Variants in ZNF469 observed in about 807,000 individuals in gnomAD.
The protein encoded by ZNF469 is zinc finger protein 469.
ZNF469 carries 1 observed loss-of-function variant against 1.0 expected under a neutral mutation model. The ratio of observed to expected loss-of-function variants is 1.00; its 90% CI spans 0.35 to 4.73. The LOEUF (loss-of-function observed/expected upper bound fraction) is 4.73, where lower values mean the gene tolerates loss of function less well. ZNF469 is among the 30% of genes most tolerant of loss of function. ZNF469 has a pLI of 0.16. For missense variants in ZNF469, 6,100 were observed against 5,356.3 expected (o/e 1.14, Z -4.33); for synonymous variants, 2,703 against 2,363.4 (o/e 1.14, Z -4.17).
chr16:88,438,412 A>G lies in ZNF469; in HGVS notation c.10942A>G (p.Lys3648Glu). 1 of 1,549,962 alleles carries G rather than the reference A, an allele frequency of 6.5e-7. No homozygotes were observed. Among genetic ancestry groups the G allele is most frequent in the Non-Finnish European group, 8.7e-7 (1 of 1,146,840 alleles). Residue 3648 changes from lysine to glutamate, a missense_variant, in exon 3 of 3, where the codon AAG becomes GAG. Transcript: ENST00000565624. ...GGAAGACCACCTACTTCAGAAAGAG[A>G]AGGAGGTGTCCTCAAGCCACATGGT... is the stretch of plus-strand genomic sequence containing the variant. ...FQEDHLLQKEKEVSSSHMVSE... is the reference protein window; with the variant it reads ...FQEDHLLQKEEEVSSSHMVSE...
chr16:88,402,088 TG>T (rs1904898458), intron 1 of ZNF469, among the ~76,000 whole-genome samples: 1 of 150,840 alleles, frequency 6.6e-6, no homozygotes. Context: ...GGTAGATGGA[TG>T]GGTGGGTGGA....
the ZNF469 span, among the ~76,000 whole-genome samples, chr16:88,219,053 A>G: frequency 6.7e-6 from 1 of 149,434 alleles, no homozygotes; most frequent in Non-Finnish European, 1.5e-5. Flanking sequence ...TAGGAATCCA[A>G]CTGACAAGGG....
the ZNF469 span, among the ~76,000 whole-genome samples, chr16:88,233,551 C>T: frequency 5.3e-5 from 8 of 152,200 alleles, no homozygotes; most frequent in Admixed American, 2.0e-4. Flanking sequence ...GGAGGGAAGG[C>T]GCCCAAATGT....
chr16:88,203,154 G>A, the ZNF469 span, among the ~76,000 whole-genome samples: 9 of 152,164 alleles, frequency 5.9e-5, no homozygotes, highest in African/African-American at 1.7e-4. Context: ...CAGAGGTGGT[G>A]AAGGGCGAGT....
chr16:88,153,034 A>T, the ZNF469 span, among the ~76,000 whole-genome samples: 2 of 151,956 alleles, frequency 1.3e-5, no homozygotes. Flanking sequence ...TCTGCACTGT[A>T]TGGGGGGTGG....
the ZNF469 span, among the ~76,000 whole-genome samples, chr16:88,214,828 T>C: frequency 6.6e-6 from 1 of 152,230 alleles, no homozygotes; most frequent in African/African-American, 2.4e-5. Context: ...GCAAAGGACA[T>C]GAACTCATCC....
chr16:88,256,714 A>C, the ZNF469 span, among the ~76,000 whole-genome samples: 1 of 152,016 alleles, frequency 6.6e-6, no homozygotes, highest in African/African-American at 2.4e-5. Flanking sequence ...CTCGCCCAGC[A>C]TTTGGTGTTG....
At chr16:88,229,669 G>A in the ZNF469 span, among the ~76,000 whole-genome samples, 51 of 67,858 alleles carry the variant, frequency 7.5e-4, no homozygotes, top group East Asian at 1.6e-3. Flanking sequence ...TGTGGATGTC[G>A]CGTGTGTGCT....
At chr16:88,203,267 C>A in the ZNF469 span, among the ~76,000 whole-genome samples, 2 of 152,132 alleles carry the variant, frequency 1.3e-5, no homozygotes, top group Non-Finnish European at 2.9e-5. Context: ...ATGGCCAAGA[C>A]CCGCGTCTAG....
chr16:88,133,171 C>G, the ZNF469 span, among the ~76,000 whole-genome samples: 1 of 152,250 alleles, frequency 6.6e-6, no homozygotes, highest in South Asian at 2.1e-4. Flanking sequence ...GCACCTCACT[C>G]GGGAAGGCGG....
At chr16:88,330,780 T>C in the ZNF469 span, among the ~76,000 whole-genome samples, 52 of 152,326 alleles carry the variant, frequency 3.4e-4, no homozygotes, top group African/African-American at 1.2e-3. Flanking sequence ...CACTGCCGCA[T>C]GCTACCTGTT....
intron 1 of ZNF469, among the ~76,000 whole-genome samples, chr16:88,408,278 G>A (rs371365393): frequency 1.4e-4 from 22 of 152,172 alleles, no homozygotes; most frequent in South Asian, 2.1e-4. Flanking sequence ...TCAGCCTCCC[G>A]GTAACGGGGA....
At chr16:88,293,668 G>T in the ZNF469 span, among the ~76,000 whole-genome samples, 4 of 152,182 alleles carry the variant, frequency 2.6e-5, no homozygotes, top group East Asian at 7.7e-4. Flanking sequence ...GCTTCATTGG[G>T]GGGTGTATTT....
At chr16:88,125,772 G>A in the ZNF469 span, among the ~76,000 whole-genome samples, 104 of 152,016 alleles carry the variant, frequency 6.8e-4, no homozygotes, top group Non-Finnish European at 1.2e-3. Flanking sequence ...TTATTTTTTT[G>A]CAAATGGTAT....
the ZNF469 span, among the ~76,000 whole-genome samples, chr16:88,128,032 G>T: frequency 6.6e-6 from 1 of 152,218 alleles, no homozygotes; most frequent in Middle Eastern, 3.2e-3. Context: ...CACAGGAGGG[G>T]CTGTGCCCGT....
chr16:88,318,962 GC>G, the ZNF469 span, among the ~76,000 whole-genome samples: 1 of 152,206 alleles, frequency 6.6e-6, no homozygotes, highest in Non-Finnish European at 1.5e-5. Flanking sequence ...TTGTTTGGGA[GC>G]CCAAAAGTCT....
chr16:88,436,998 G>A lies in ZNF469; in HGVS notation c.9528G>A (p.Ala3176=), dbSNP rs1490410434. The stretch of plus-strand genomic sequence containing the variant: ...CGCAGAGCAAGGCCGGGCCCTGGGC[G>A]TGCGGCATGTGCCTGAAGGAGGTGG... The part of the protein sequence containing the change: ...RHAQSKAGPW[A]CGMCLKEVAD... Residue 3176 remains alanine, a synonymous_variant, in exon 3 of 3, where the codon GCG becomes GCA. Transcript: ENST00000565624. 3.3e-6 allele frequency: 5 copies of A among 1,520,272 alleles called. No individual in the cohort carries two copies. The highest frequency in any genetic ancestry group is 1.7e-4 in the Middle Eastern group (1 of 5,718). The allele number at this position is 1,520,272 out of a possible 1,614,324, so 94.2% of individuals were successfully genotyped here.
At chr16:88,409,129 G>A (rs762131368) in intron 1 of ZNF469, among the ~76,000 whole-genome samples, 5 of 152,346 alleles carry the variant, frequency 3.3e-5, no homozygotes, top group East Asian at 1.9e-4. Flanking sequence ...CAGAGACCCC[G>A]GGAGTGCGGC....
At chr16:88,239,471 G>A in the ZNF469 span, among the ~76,000 whole-genome samples, 3 of 148,866 alleles carry the variant, frequency 2.0e-5, no homozygotes, top group Admixed American at 6.7e-5. Flanking sequence ...GTCTGAGTGC[G>A]AATTTTCATG....
Sources: allele counts gnomAD v4.1 joint callset (sites outside exome capture counted in the v4.1 genomes callset), GRCh38; gene constraint gnomAD v4.1.1; transcripts MANE v1.5; gene names NCBI Gene and HGNC (gene_info 2026-07-23, HGNC 2026-07-21).